Variants in TRPM8 observed in about 807,000 individuals in gnomAD.
TRPM8 encodes the protein TRPM8 cationic channel.
Under a neutral mutation model 133.7 loss-of-function variants are expected in TRPM8, and 110 were observed. That is an observed-to-expected ratio of 0.82 (90% CI 0.70 to 0.96). The LOEUF is 0.96. Among genes scored for constraint, TRPM8 ranks in the 40% least tolerant of loss-of-function variants. TRPM8 has a pLI of 0.00. For synonymous variants in TRPM8, 535 were observed against 532.3 expected, an observed-to-expected ratio of 1.01 and a Z score of -0.07; for missense variants, 1,291 against 1,379.5, an observed-to-expected ratio of 0.94 and a Z score of 1.02.
chr2:234,003,228 G>A (rs568009434), intron 22 of TRPM8, among the ~76,000 whole-genome samples: 31 of 152,276 alleles, frequency 2.0e-4, no homozygotes, highest in South Asian at 1.5e-3. Flanking sequence ...CCCCGAACTC[G>A]TGTCATGCCT....
intron 22 of TRPM8, among the ~76,000 whole-genome samples, chr2:234,005,818 G>A (rs1190372620): frequency 6.6e-6 from 1 of 151,962 alleles, no homozygotes; most frequent in African/African-American, 2.4e-5. Flanking sequence ...GGCTGAGGCA[G>A]GAGAATCGCT....
rs113725762 is a variant in TRPM8 at position 233,980,930 on chromosome 2, CTGGGCA to C, written c.2447+655_2447+660del. 5.1e-3 allele frequency among the ~76,000 whole-genome samples: 771 copies of C among 152,264 alleles called. 9 individuals are homozygous for C. The highest frequency in any genetic ancestry group is 0.018 in the African/African-American group (739 of 41,552). On this transcript the variant is annotated intron_variant, in intron 18 of 25. Transcript: ENST00000324695. ...ATAGCTTTTAAGATAAAGCTAGCAA[CTGGGCA>C]TGGTGGCTCACACCTGTAATCCCAA...
intron 11 of TRPM8, among the ~76,000 whole-genome samples, chr2:233,958,891 C>G (rs1252114342): frequency 6.6e-6 from 1 of 152,064 alleles, no homozygotes; most frequent in African/African-American, 2.4e-5. Context: ...AGTAAGTGGG[C>G]CGGTGGGTCC....
chr2:233,987,538 G>A (rs1347415113), intron 21 of TRPM8, among the ~76,000 whole-genome samples: 1 of 152,222 alleles, frequency 6.6e-6, no homozygotes. Flanking sequence ...TACCTCTGGG[G>A]ACATCACATA....
intron 22 of TRPM8, among the ~76,000 whole-genome samples, chr2:234,003,589 C>T (rs1692622368): frequency 6.6e-6 from 1 of 152,100 alleles, no homozygotes; most frequent in Non-Finnish European, 1.5e-5. Flanking sequence ...GGCTATAGGA[C>T]CTGGGAGAAG....
At chr2:233,970,943 GTCTC>G (rs1282727819) in intron 17 of TRPM8, among the ~76,000 whole-genome samples, 1 of 152,130 alleles carries the variant, frequency 6.6e-6, no homozygotes, top group Non-Finnish European at 1.5e-5. Context: ...TTTTGGCGTC[GTCTC>G]TCTACCGTTG....
At chr2:233,985,923 C>A in intron 21 of TRPM8, 58 bp downstream of exon 21, 1 of 1,506,694 alleles carries the variant, frequency 6.6e-7, no homozygotes, top group Non-Finnish European at 9.0e-7. Context: ...CCATGCCAGG[C>A]TGGAGGTGCT....
chr2:234,007,474 T>C (rs561407369), intron 23 of TRPM8, among the ~76,000 whole-genome samples: 97 of 152,350 alleles, frequency 6.4e-4, no homozygotes, highest in African/African-American at 2.2e-3. Context: ...GATTAAGAAA[T>C]ACGTTGATTA....
At chr2:233,934,960 A>G (rs1446031712) in intron 3 of TRPM8, among the ~76,000 whole-genome samples, 3 of 152,330 alleles carry the variant, frequency 2.0e-5, no homozygotes, top group African/African-American at 2.4e-5. Flanking sequence ...ACATTTTGCC[A>G]TATGTTAAAT....
At chr2:233,955,661 T>C (rs1403529165) in intron 11 of TRPM8, among the ~76,000 whole-genome samples, 1 of 152,142 alleles carries the variant, frequency 6.6e-6, no homozygotes, top group Non-Finnish European at 1.5e-5. Flanking sequence ...TGCCCCCACC[T>C]GCCTAGCCAA....
chr2:233,935,872 T>C (rs915427675), intron 3 of TRPM8, among the ~76,000 whole-genome samples: 1 of 152,152 alleles, frequency 6.6e-6, no homozygotes, highest in African/African-American at 2.4e-5. Flanking sequence ...TTGTTGTTCC[T>C]GTCTTTGGAG....
At chr2:234,009,162 C>T (rs1692769387) in intron 24 of TRPM8, among the ~76,000 whole-genome samples, 1 of 152,194 alleles carries the variant, frequency 6.6e-6, no homozygotes, top group Non-Finnish European at 1.5e-5. Context: ...ATCTGGAATC[C>T]TCCTTTCACA....
At chr2:233,929,199 A>G (rs1691634712) in intron 2 of TRPM8, among the ~76,000 whole-genome samples, 3 of 152,160 alleles carry the variant, frequency 2.0e-5, no homozygotes, top group African/African-American at 7.2e-5. Context: ...TGTGGAAGTC[A>G]TGACTAACTG....
intron 21 of TRPM8, among the ~76,000 whole-genome samples, chr2:233,990,843 G>T (rs1012139394): frequency 1.3e-5 from 2 of 152,156 alleles, no homozygotes; most frequent in Admixed American, 6.5e-5. Context: ...CATTTTACAC[G>T]TAAGGAGTGG....
At chr2:233,931,530 T>C (rs948474128) in intron 3 of TRPM8, among the ~76,000 whole-genome samples, 6 of 152,240 alleles carry the variant, frequency 3.9e-5, no homozygotes, top group Admixed American at 3.9e-4. Flanking sequence ...GAACCAGCTT[T>C]GGTTTCAACC....
chr2:233,977,072 C>T (rs1691889232), intron 17 of TRPM8, among the ~76,000 whole-genome samples: 1 of 152,144 alleles, frequency 6.6e-6, no homozygotes. Context: ...AAAAGTCATG[C>T]TCTTCCGTGT....
At position 233,946,630 on chromosome 2, in the gene TRPM8, C is replaced by T. The variant is rs1221412553; in HGVS notation, c.875-458C>T. 2.0e-5 allele frequency among the ~76,000 whole-genome samples: 3 copies of T among 152,160 alleles called. No individual in the cohort carries two copies. The East Asian group carries it at 5.8e-4, about 29-fold the overall frequency. On this transcript the variant is annotated intron_variant, in intron 7 of 25. Transcript: ENST00000324695. ...TTAATGATAGACATAATGACAGGAA[C>T]TTGTTGGAAATGTTGTCAATTATTT...
intron 24 of TRPM8, among the ~76,000 whole-genome samples, chr2:234,011,407 T>A (rs1449788841): frequency 2.0e-5 from 3 of 152,218 alleles, no homozygotes; most frequent in Non-Finnish European, 4.4e-5. Flanking sequence ...GCTTCCAGCT[T>A]AGTTCTTTTT....
At position 234,011,727 on chromosome 2, in the gene TRPM8, G is replaced by C. The variant is rs1692842191; in HGVS notation, c.3265-2835G>C. Among the ~76,000 whole-genome samples, 5 of 151,982 alleles carry C rather than the reference G, an allele frequency of 3.3e-5. No individual in the cohort carries two copies. The South Asian group carries it at 1.0e-3, about 32-fold the overall frequency. On this transcript the variant is annotated intron_variant, in intron 24 of 25. Transcript: ENST00000324695. ...AGGTCAGGAGATCGAGACCATCCTGGCTAACACAGGGAAACCCCGTCTCTA... is the reference window on the plus strand; with the variant it reads ...AGGTCAGGAGATCGAGACCATCCTGCCTAACACAGGGAAACCCCGTCTCTA...
Sources: allele counts gnomAD v4.1 joint callset (sites outside exome capture counted in the v4.1 genomes callset), GRCh38; gene constraint gnomAD v4.1.1; transcripts MANE v1.5; gene names NCBI Gene and HGNC (gene_info 2026-07-23, HGNC 2026-07-21).